KCNB2: variants seen among roughly 807,000 people sequenced by gnomAD.
KCNB2 encodes the protein delayed rectifier potassium channel protein.
A neutral mutation model predicts 61.5 loss-of-function variants in KCNB2; 15 were observed. The observed-to-expected ratio is 0.24, with a 90% CI of 0.16 to 0.38. The LOEUF is 0.38. Among genes scored for constraint, KCNB2 ranks in the 10% least tolerant of loss-of-function variants. KCNB2 has a pLI of 1.00. For synonymous variants in KCNB2, 457 were observed against 446.0 expected, an observed-to-expected ratio of 1.02 and a Z score of -0.31; for missense variants, 828 against 1,125.2, an observed-to-expected ratio of 0.74 and a Z score of 3.78.
chr8:72,639,965 G>C (rs1005514461), intron 2 of KCNB2, among the ~76,000 whole-genome samples: 3 of 151,712 alleles, frequency 2.0e-5, no homozygotes, highest in South Asian at 2.1e-4. Context: ...AGCAGAGAAG[G>C]GGGGACTGGG....
At chr8:72,886,855 A>G (rs1413031047) in intron 2 of KCNB2, among the ~76,000 whole-genome samples, 1 of 152,246 alleles carries the variant, frequency 6.6e-6, no homozygotes, top group Non-Finnish European at 1.5e-5. Flanking sequence ...GGCACTGAAG[A>G]GAGACGAAAG....
At chr8:72,784,454 A>G (rs901245491) in intron 2 of KCNB2, among the ~76,000 whole-genome samples, 1 of 152,174 alleles carries the variant, frequency 6.6e-6, no homozygotes, top group Admixed American at 6.5e-5. Flanking sequence ...GCTATAAAGA[A>G]CTTCCTGAGA....
chr8:72,557,596 C>T (rs765944067), intron 1 of KCNB2, among the ~76,000 whole-genome samples: 1 of 152,130 alleles, frequency 6.6e-6, no homozygotes, highest in Non-Finnish European at 1.5e-5. Flanking sequence ...TCCTATTCCT[C>T]ATCAGTCCAG....
chr8:72,798,587 A>T (rs142506499), intron 2 of KCNB2, among the ~76,000 whole-genome samples: 363 of 152,190 alleles, frequency 2.4e-3, no homozygotes, highest in African/African-American at 8.2e-3. Context: ...TTAAACACAT[A>T]CCAATAGAGA....
At chr8:72,836,283 A>G (rs1216946024) in intron 2 of KCNB2, among the ~76,000 whole-genome samples, 2 of 152,242 alleles carry the variant, frequency 1.3e-5, no homozygotes, top group East Asian at 3.8e-4. Context: ...TTTTCAAAGA[A>G]GGCTATTTTC....
rs547276708 is a variant in KCNB2 at position 72,643,187 on chromosome 8, T to C, written c.579+74874T>C. ...AACCACACAACATCTTGCACCTTCA[T>C]TTTTGGAAATAGAGAAAGGAAGGAT... is the stretch of plus-strand genomic sequence containing the variant. On this transcript the variant is annotated intron_variant, in intron 2 of 2. Transcript: ENST00000523207. 3.3e-5 allele frequency among the ~76,000 whole-genome samples: 5 copies of C among 152,150 alleles called. No individual in the cohort carries two copies. The South Asian group carries it at 6.2e-4, about 19-fold the overall frequency.
chr8:72,865,345 A>C (rs1446285972), intron 2 of KCNB2, among the ~76,000 whole-genome samples: 1 of 152,052 alleles, frequency 6.6e-6, no homozygotes, highest in Non-Finnish European at 1.5e-5. Context: ...GCCCCAAAGC[A>C]TCTAGTGCCC....
chr8:72,920,428 C>A (rs1441028098), intron 2 of KCNB2, among the ~76,000 whole-genome samples: 3 of 98,428 alleles, frequency 3.0e-5, no homozygotes, highest in Non-Finnish European at 7.3e-5. Context: ...CATGGCAAAA[C>A]CCCCTCTCCA....
chr8:72,701,819 G>A (rs535610263), intron 2 of KCNB2, among the ~76,000 whole-genome samples: 18 of 151,990 alleles, frequency 1.2e-4, no homozygotes, highest in East Asian at 3.9e-4. Flanking sequence ...GAAAAATTGC[G>A]CAACCATTTA....
chr8:72,646,181 A>G (rs1806126102), intron 2 of KCNB2, among the ~76,000 whole-genome samples: 1 of 152,024 alleles, frequency 6.6e-6, no homozygotes, highest in African/African-American at 2.4e-5. Flanking sequence ...TATCAGAAAT[A>G]CTATATATAC....
chr8:72,702,776 A>G (rs1807155214), intron 2 of KCNB2, among the ~76,000 whole-genome samples: 2 of 152,196 alleles, frequency 1.3e-5, no homozygotes, highest in Admixed American at 1.3e-4. Context: ...CAGCTCTGGC[A>G]GGAAGTTGTG....
In KCNB2 at chr8:72,926,856, C is replaced by A. The variant is rs370290355; in HGVS notation, c.580-9079C>A. 6.5e-4 allele frequency among the ~76,000 whole-genome samples: 99 copies of A among 152,290 alleles called. 1 individual carries two copies. The highest frequency in any genetic ancestry group is 3.4e-3 in the Middle Eastern group (1 of 294). On this transcript the variant is annotated intron_variant, in intron 2 of 2. Transcript: ENST00000523207. ...TTGTCTTATCTTCAGCTGCACCCTG[C>A]GCCCCCCATCAGTCCTATGCATTAC...
At chr8:72,874,405 G>C (rs181295507) in intron 2 of KCNB2, among the ~76,000 whole-genome samples, 150 of 152,194 alleles carry the variant, frequency 9.9e-4, no homozygotes, top group African/African-American at 3.5e-3. Flanking sequence ...GTGGTGAGTG[G>C]GATTCACCAG....
intron 1 of KCNB2, among the ~76,000 whole-genome samples, chr8:72,545,743 G>A (rs1204124498): frequency 6.6e-6 from 1 of 152,170 alleles, no homozygotes; most frequent in Non-Finnish European, 1.5e-5. Flanking sequence ...AGTGAGGAAG[G>A]TATATTGAAA....
chr8:72,927,518 G>A lies in KCNB2; in HGVS notation c.580-8417G>A, dbSNP rs118190372. The stretch of plus-strand genomic sequence containing the variant: ...ACTCCTGACCACAGATGACCCACCG[G>A]ACTTGGTCTCCCAAAGTGCGGGGAT... On this transcript the variant is annotated intron_variant, in intron 2 of 2. Coordinates refer to ENST00000523207, the MANE Select transcript of KCNB2 (RefSeq NM_004770.3). Among the ~76,000 whole-genome samples the A allele has an allele frequency of 4.7e-3, 711 of 152,196 alleles. 3 individuals carry two copies. The highest frequency in any genetic ancestry group is 8.1e-3 in the Non-Finnish European group (554 of 67,998).
chr8:72,570,712 T>C lies in KCNB2; in HGVS notation c.579+2399T>C, dbSNP rs142255066. Among the ~76,000 whole-genome samples the C allele has an allele frequency of 4.6e-3, 701 of 152,310 alleles. 3 individuals carry two copies. Among genetic ancestry groups the C allele is most frequent in the Non-Finnish European group, 7.7e-3 (526 of 68,014 alleles). On this transcript the variant is annotated intron_variant, in intron 2 of 2. Coordinates refer to ENST00000523207, the MANE Select transcript of KCNB2 (RefSeq NM_004770.3). ...ATTCTAGCCCTCACTATTTACTTTATTGTATGGGTACATCAGGCTATTTTC... is the reference window on the plus strand; with the variant it reads ...ATTCTAGCCCTCACTATTTACTTTACTGTATGGGTACATCAGGCTATTTTC...
At chr8:72,749,947 A>G (rs1277694885) in intron 2 of KCNB2, among the ~76,000 whole-genome samples, 1 of 150,630 alleles carries the variant, frequency 6.6e-6, no homozygotes, top group Non-Finnish European at 1.5e-5. Flanking sequence ...GTAGAATATT[A>G]GTAATATCTA....
rs182984283 is a variant in KCNB2 at position 72,800,604 on chromosome 8, G to C, written c.580-135331G>C. Among the ~76,000 whole-genome samples, 8 of 152,006 alleles carry C rather than the reference G, an allele frequency of 5.3e-5. No individual in the cohort carries two copies. The South Asian group carries it at 8.3e-4, about 16-fold the overall frequency. ...TTTGAAAAAATATGGTTATTACCCA[G>C]AGCTCCATAAAAGATTCAATATCTA... On this transcript the variant is annotated intron_variant, in intron 2 of 2. Coordinates refer to ENST00000523207, the MANE Select transcript of KCNB2 (RefSeq NM_004770.3).
At chr8:72,566,199 C>G (rs1806622939) in intron 1 of KCNB2, among the ~76,000 whole-genome samples, 1 of 152,252 alleles carries the variant, frequency 6.6e-6, no homozygotes, top group African/African-American at 2.4e-5. Flanking sequence ...GGAGAGGAGG[C>G]TGGACCTACT....
Sources: gnomAD v4.1 joint callset for allele counts (sites outside exome capture counted in the v4.1 genomes callset) on GRCh38, gnomAD v4.1.1 for gene constraint, MANE v1.5 for transcripts, NCBI Gene and HGNC (gene_info 2026-07-23, HGNC 2026-07-21) for gene names.